Variants in AGO2 observed in about 807,000 individuals in gnomAD.
AGO2 encodes argonaute RISC catalytic component 2.
A neutral mutation model predicts 102.3 loss-of-function variants in AGO2; 5 were observed. The ratio of observed to expected loss-of-function variants is 0.05; its 90% CI spans 0.03 to 0.10. The LOEUF (loss-of-function observed/expected upper bound fraction) is 0.10. Among genes scored for constraint, AGO2 ranks in the 10% least tolerant of loss-of-function variants. AGO2 has a pLI of 1.00. For missense variants in AGO2, 541 were observed against 1,183.7 expected (o/e 0.46, Z 7.97); for synonymous variants, 449 against 473.1 (o/e 0.95, Z 0.66).
chr8:140,579,053 T>C (rs1398689042), intron 2 of AGO2, among the ~76,000 whole-genome samples: 3 of 152,046 alleles, frequency 2.0e-5, no homozygotes, highest in Non-Finnish European at 4.4e-5. Context: ...AGAGACCCCA[T>C]CTCTACAACG....
rs752866847 is a variant in AGO2, at chr8:140,558,498, C to A, written c.865G>T (p.Ala289Ser). ...YRVCNVTRRP[A>S]SHQTFPLQQE... ...AGGGCGTGTTACGTTTGGTGACTGG[C>A]GGGCCGCCGGGTCACATTGCAGACG... is the stretch of plus-strand genomic sequence containing the variant. The change falls in exon 7 of 19, where the codon GCC becomes TCC. Residue 289 changes from alanine (A) to serine (S), a missense_variant. Physicochemically the swap from Ala to Ser is moderately conservative, Grantham distance 99. Transcript: ENST00000220592. 4.3e-6 allele frequency: 7 copies of A among 1,614,084 alleles called. No homozygotes were observed. In the Admixed American group the frequency reaches 8.3e-5, roughly 19 times the overall value.
chr8:140,546,705 A>G (rs1252084622), intron 13 of AGO2, among the ~76,000 whole-genome samples: 1 of 152,206 alleles, frequency 6.6e-6, no homozygotes. Context: ...CTCCTGCCCA[A>G]ACGCACAAAT....
Position 140,539,356 on chromosome 8 carries a change from G to A in AGO2, c.2133C>T (p.His711=). The stretch of plus-strand genomic sequence containing the variant: ...TGTCAGTGCAGAAGAGCCGGGTGTG[G>A]TGCCTCTTCTGCACCACGATGAAGG... ...GITFIVVQKR[H]HTRLFCTDKN... The change falls in exon 16 of 19, where the codon CAC becomes CAT. Residue 711 remains histidine, a synonymous_variant. Coordinates refer to ENST00000220592, the MANE Select transcript of AGO2 (RefSeq NM_012154.5). This position sits in a 1 kb window ranked among gnomAD's most constrained non-coding sequence, Gnocchi z 4.7. The A allele has an allele frequency of 1.2e-6, 2 of 1,613,858 alleles. No homozygotes were observed. The highest frequency in any genetic ancestry group is 1.7e-6 in the Non-Finnish European group (2 of 1,179,858).
At chr8:140,630,265 T>C (rs2074325553) in intron 1 of AGO2, among the ~76,000 whole-genome samples, 1 of 152,212 alleles carries the variant, frequency 6.6e-6, no homozygotes, top group East Asian at 1.9e-4. Context: ...CACCCTGCTT[T>C]GCACGGACAG....
rs2072397855 is a variant in AGO2, at chr8:140,520,477, A to G, written c.*11567T>C. ...AAGGACCCAGCTAAGCTTAAACACG[A>G]CAATAGATGCTCAGTTTCTCAGCAT... is the stretch of plus-strand genomic sequence containing the variant. On this transcript the variant is annotated 3_prime_UTR_variant, in exon 19 of 19. Coordinates refer to ENST00000220592, the MANE Select transcript of AGO2 (RefSeq NM_012154.5). The G allele has an allele frequency of 6.6e-6, 1 of 152,218 alleles. No homozygotes were observed. Among genetic ancestry groups the G allele is most frequent in the Non-Finnish European group, 1.5e-5 (1 of 68,044 alleles). The allele number at this position is 152,218 out of a possible 1,614,324, so 9.4% of individuals were successfully genotyped here.
Position 140,621,610 on chromosome 8 carries a change from AT to A in AGO2, c.22+13874del, listed in dbSNP as rs571424068. ...AATGATGTTCACCTTTATTACGTTC[AT>A]TTAGTCATCCAGGTTCCAAGTATGC... On this transcript the variant is annotated intron_variant, in intron 1 of 18. Transcript: ENST00000220592. Among the ~76,000 whole-genome samples, 623 of 152,278 alleles carry A rather than the reference AT, an allele frequency of 4.1e-3. 6 individuals carry two copies. The highest frequency in any genetic ancestry group is 0.014 in the African/African-American group (580 of 41,562).
At chr8:140,592,473 C>T (rs1435065128) in intron 1 of AGO2, 1 of 152,216 alleles carries the variant, frequency 6.6e-6, no homozygotes, top group Non-Finnish European at 1.5e-5. Flanking sequence ...TTTTGTGCAA[C>T]TGTTGACTGA....
In AGO2 at chr8:140,528,961, A is replaced by G. The variant is rs1588428773; in HGVS notation, c.*3083T>C. On this transcript the variant is annotated 3_prime_UTR_variant, in exon 19 of 19. Coordinates refer to ENST00000220592, the MANE Select transcript of AGO2 (RefSeq NM_012154.5). The surrounding 1 kb of genome is among the most constrained non-coding windows in gnomAD (Gnocchi z 4.5). ...GGATGGGAGTACATCAATGTTTTTA[A>G]AAAGTGAACATGTAAAAACACACCA... 6.6e-6 allele frequency: 1 copy of G among 152,234 alleles called. No homozygotes were observed. Among genetic ancestry groups the G allele is most frequent in the African/African-American group, 2.4e-5 (1 of 41,456 alleles). 9.4% of individuals were successfully genotyped at this position (152,234 alleles called of 1,614,324 possible). A position where few individuals can be genotyped will look rare whatever the true frequency, so the allele number is the denominator to read the frequency against.
At chr8:140,547,769 C>A in intron 12 of AGO2, 142 bp from the exon 13 acceptor site, 1 of 1,235,734 alleles carries the variant, frequency 8.1e-7, no homozygotes, top group Non-Finnish European at 1.1e-6. Context: ...GTGTCCCCCT[C>A]TGTCCGAGGT....
intron 1 of AGO2, among the ~76,000 whole-genome samples, chr8:140,588,238 T>A (rs1180678753): frequency 6.6e-6 from 1 of 152,174 alleles, no homozygotes; most frequent in Non-Finnish European, 1.5e-5. Flanking sequence ...TTGAAACCTT[T>A]GGGAACAGAA....
chr8:140,552,108 C>T (rs1444280089), intron 10 of AGO2, among the ~76,000 whole-genome samples: 1 of 152,214 alleles, frequency 6.6e-6, no homozygotes, highest in East Asian at 1.9e-4. Flanking sequence ...CCTTGCCATG[C>T]TACAGGAAGG....
chr8:140,590,894 T>C (rs1458383216), intron 1 of AGO2, among the ~76,000 whole-genome samples: 2 of 152,176 alleles, frequency 1.3e-5, no homozygotes, highest in African/African-American at 2.4e-5. Context: ...CAGGACCTCA[T>C]GGGTCCCAGC....
intron 1 of AGO2, among the ~76,000 whole-genome samples, chr8:140,606,774 T>C (rs889112325): frequency 6.6e-6 from 1 of 150,644 alleles, no homozygotes; most frequent in Non-Finnish European, 1.5e-5. Flanking sequence ...CCGTCTCTAC[T>C]AAAAATACAA....
intron 3 of AGO2, among the ~76,000 whole-genome samples, chr8:140,571,148 C>T (rs1173169622): frequency 1.3e-5 from 2 of 152,196 alleles, no homozygotes; most frequent in African/African-American, 4.8e-5. Flanking sequence ...GTCTATCACC[C>T]TGGGCTGGCA....
chr8:140,522,691 A>G lies in AGO2; in HGVS notation c.*9353T>C, dbSNP rs372010444. 1 of 134,506 alleles carries G rather than the reference A, an allele frequency of 7.4e-6. No homozygotes were observed. Among genetic ancestry groups the G allele is most frequent in the Non-Finnish European group, 1.6e-5 (1 of 63,020 alleles). 8.3% of individuals were successfully genotyped at this position (134,506 alleles called of 1,614,324 possible). On this transcript the variant is annotated 3_prime_UTR_variant, in exon 19 of 19. Coordinates refer to ENST00000220592, the MANE Select transcript of AGO2 (RefSeq NM_012154.5). ...AAGAGAGAGAGAGAGAGACAGAGAC[A>G]GAGACAGAGAGAGGGAGGGGGAGGG... is the stretch of plus-strand genomic sequence containing the variant.
chr8:140,572,807 C>T lies in AGO2; in HGVS notation c.336+5G>A. The T allele has an allele frequency of 6.2e-7, 1 of 1,608,952 alleles. No individual in the cohort carries two copies. Among genetic ancestry groups the T allele is most frequent in the Non-Finnish European group, 8.5e-7 (1 of 1,178,420 alleles). ...ACTCCACCAAGGGCATCCCGGCGAG[C>T]TTACCTTGTCCCTCCCAATCGGAAG... On this transcript the variant is annotated splice_donor_5th_base_variant and intron_variant, in intron 3 of 18. Transcript: ENST00000220592.
At chr8:140,562,741 G>T in intron 3 of AGO2, 107 bp from the exon 4 acceptor site, 2 of 1,342,130 alleles carry the variant, frequency 1.5e-6, no homozygotes, top group East Asian at 2.3e-5. Context: ...GGAAGTCCCC[G>T]CCCAGGCCTC....
Position 140,556,271 on chromosome 8 carries a change from C to T in AGO2, c.1042G>A (p.Ala348Thr). 1 of 1,614,160 alleles carries T rather than the reference C, an allele frequency of 6.2e-7. No individual in the cohort carries two copies. The highest frequency in any genetic ancestry group is 8.5e-7 in the Non-Finnish European group (1 of 1,180,024). Residue 348 changes from alanine (A) to threonine (T), a missense_variant, in exon 9 of 19, where the codon GCA becomes ACA. Ala to Thr is a moderately conservative substitution (Grantham distance 58). Transcript: ENST00000220592. ...YLPLEVCNIV[A>T]GQRCIKKLTD... ...AATTTTTTAATACATCTTTGTCCTG[C>T]CACAATGTTACAGACCTGTGAAGAG...
chr8:140,543,175 AC>A (rs1211577475), intron 14 of AGO2, among the ~76,000 whole-genome samples: 1 of 136,094 alleles, frequency 7.3e-6, no homozygotes, highest in Admixed American at 7.3e-5. Context: ...AATAGAAACA[AC>A]AAAAAAAAAC....
Sources: allele counts gnomAD v4.1 joint callset (sites outside exome capture counted in the v4.1 genomes callset), GRCh38; gene constraint gnomAD v4.1.1; non-coding constraint Gnocchi (gnomAD v3.1); transcripts MANE v1.5; gene names NCBI Gene and HGNC (gene_info 2026-07-23, HGNC 2026-07-21).